The following ATG4C variants were observed in gnomAD, a reference collection of about 807,000 sequenced individuals.
The protein encoded by ATG4C is cysteine protease ATG4C.
In ATG4C, 56 loss-of-function variants were observed where a neutral mutation model predicts 57.6. That is an observed-to-expected ratio of 0.97 (90% CI 0.78 to 1.21). The LOEUF (loss-of-function observed/expected upper bound fraction) is 1.21, where lower values mean the gene tolerates loss of function less well. Ranked by LOEUF, ATG4C falls within the 50% of genes most tolerant of loss-of-function variation. The pLI is 0.00. For missense variants in ATG4C, 595 were observed against 529.8 expected (o/e 1.12, Z -1.21); for synonymous variants, 157 against 174.1 (o/e 0.90, Z 0.78).
chr1:62,848,703 A>G (rs1399685720), intron 10 of ATG4C, among the ~76,000 whole-genome samples: 2 of 152,178 alleles, frequency 1.3e-5, no homozygotes, highest in Non-Finnish European at 2.9e-5. Flanking sequence ...TAACCACAAT[A>G]TAACTATCAG....
intron 9 of ATG4C, chr1:62,835,261 A>C (rs1252010600): frequency 4.4e-6 from 1 of 228,360 alleles, no homozygotes; most frequent in Non-Finnish European, 9.3e-6. Flanking sequence ...TTATCTGCTA[A>C]ATTATTTTGC....
chr1:62,835,876 T>TACA (rs1384799291), intron 9 of ATG4C, among the ~76,000 whole-genome samples: 1 of 152,052 alleles, frequency 6.6e-6, no homozygotes, highest in Non-Finnish European at 1.5e-5. Flanking sequence ...CCATGTGAAC[T>TACA]ACATCGTAAT....
chr1:62,808,478 G>A (rs1664952539), intron 3 of ATG4C, among the ~76,000 whole-genome samples: 1 of 151,986 alleles, frequency 6.6e-6, no homozygotes. Context: ...GGCATTTAAG[G>A]CCAATAGATA....
chr1:62,785,606 T>G (rs1285324792), intron 1 of ATG4C, among the ~76,000 whole-genome samples: 2 of 152,202 alleles, frequency 1.3e-5, no homozygotes, highest in Non-Finnish European at 2.9e-5. Context: ...AGGCAGAAAT[T>G]TTCTGGCTTT....
chr1:62,796,787 G>A (rs1664483418), intron 1 of ATG4C, among the ~76,000 whole-genome samples: 1 of 152,168 alleles, frequency 6.6e-6, no homozygotes, highest in Admixed American at 6.5e-5. Flanking sequence ...AAAGAGGAAA[G>A]TCAAAGTAGA....
intron 1 of ATG4C, among the ~76,000 whole-genome samples, chr1:62,789,487 C>A (rs1233510065): frequency 3.3e-5 from 5 of 152,166 alleles, no homozygotes; most frequent in African/African-American, 1.2e-4. Flanking sequence ...ACCACAGAGT[C>A]CTGGTTTATT....
chr1:62,821,278 C>T (rs1337085910), intron 6 of ATG4C, 69 bp downstream of exon 6: 17 of 972,566 alleles, frequency 1.7e-5, no homozygotes, highest in Non-Finnish European at 2.5e-5. Flanking sequence ...TTAGCTTATC[C>T]CAGTAATACT....
At chr1:62,831,507 G>A (rs939129325) in intron 7 of ATG4C, among the ~76,000 whole-genome samples, 2 of 152,046 alleles carry the variant, frequency 1.3e-5, no homozygotes, top group African/African-American at 2.4e-5. Flanking sequence ...AAGGAAATTT[G>A]TTGTGTGCTT....
Position 62,816,783 on chromosome 1 carries a change from A to C in ATG4C, c.369A>C (p.Gly123=), listed in dbSNP as rs753969208. The C allele has an allele frequency of 1.8e-5, 29 of 1,599,246 alleles. No individual in the cohort carries two copies. In the South Asian group the frequency reaches 2.8e-4, roughly 16 times the overall value. Residue 123 remains glycine (G), a synonymous_variant, in exon 4 of 11, where the codon GGA becomes GGC. Coordinates refer to ENST00000317868, the MANE Select transcript of ATG4C (RefSeq NM_032852.4). The stretch of plus-strand genomic sequence containing the variant: ...CTGGCCAGATGCTCTTGGCTCAAGG[A>C]CTCATACTACACTTTCTTGGTAGAG... The part of the protein sequence containing the change: ...LRTGQMLLAQ[G]LILHFLGRAW...
chr1:62,838,667 C>T (rs1160591822), intron 9 of ATG4C, among the ~76,000 whole-genome samples: 1 of 151,936 alleles, frequency 6.6e-6, no homozygotes, highest in African/African-American at 2.4e-5. Context: ...GTAATCCCAG[C>T]TACTCGAGAG....
intron 10 of ATG4C, among the ~76,000 whole-genome samples, chr1:62,853,202 T>C (rs935660622): frequency 3.7e-4 from 57 of 152,220 alleles, no homozygotes; most frequent in African/African-American, 1.3e-3. Context: ...TTTGATGTCA[T>C]TCTGCATTAT....
chr1:62,817,793 A>G (rs976414296), intron 4 of ATG4C, among the ~76,000 whole-genome samples: 4 of 152,192 alleles, frequency 2.6e-5, no homozygotes, highest in Admixed American at 6.5e-5. Context: ...AGAATATTTT[A>G]GTTTACAATT....
intron 10 of ATG4C, among the ~76,000 whole-genome samples, chr1:62,845,048 T>C (rs1193674127): frequency 6.6e-6 from 1 of 152,082 alleles, no homozygotes; most frequent in Non-Finnish European, 1.5e-5. Flanking sequence ...TTACAAATAA[T>C]GTTTTAAATA....
chr1:62,826,197 C>T (rs1167883779), intron 6 of ATG4C, among the ~76,000 whole-genome samples: 1 of 150,646 alleles, frequency 6.6e-6, no homozygotes, highest in East Asian at 2.0e-4. Context: ...GCGTGACCCA[C>T]CACACCTGGC....
At chr1:62,817,333 A>G (rs1273449269) in intron 4 of ATG4C, among the ~76,000 whole-genome samples, 5 of 152,162 alleles carry the variant, frequency 3.3e-5, no homozygotes, top group Admixed American at 3.3e-4. Context: ...AATCAATTAG[A>G]CATACTCTTT....
chr1:62,793,053 AT>A (rs1183394538), intron 1 of ATG4C, among the ~76,000 whole-genome samples: 1 of 149,390 alleles, frequency 6.7e-6, no homozygotes, highest in Non-Finnish European at 1.5e-5. Context: ...CGCCCGGCTA[AT>A]TTTTTGTATT....
intron 1 of ATG4C, among the ~76,000 whole-genome samples, chr1:62,797,565 G>A (rs1664514686): frequency 6.6e-6 from 1 of 151,924 alleles, no homozygotes; most frequent in Non-Finnish European, 1.5e-5. Flanking sequence ...TATTTTGTAT[G>A]TTTATGGCCT....
intron 10 of ATG4C, among the ~76,000 whole-genome samples, chr1:62,845,532 T>C (rs1198482767): frequency 6.6e-6 from 1 of 152,168 alleles, no homozygotes; most frequent in East Asian, 1.9e-4. Flanking sequence ...TATTTTTACT[T>C]GTTAATTGTG....
intron 10 of ATG4C, among the ~76,000 whole-genome samples, chr1:62,854,904 G>T (rs1312082332): frequency 6.6e-6 from 1 of 152,144 alleles, no homozygotes; most frequent in East Asian, 1.9e-4. Flanking sequence ...GGAAGTGAAG[G>T]ATACTGAGGA....
Sources: allele counts gnomAD v4.1 joint callset (sites outside exome capture counted in the v4.1 genomes callset), GRCh38; gene constraint gnomAD v4.1.1; transcripts MANE v1.5; gene names NCBI Gene and HGNC (gene_info 2026-07-23, HGNC 2026-07-21).